PCSK6: variants seen among roughly 807,000 people sequenced by gnomAD.
PCSK6 encodes the protein proprotein convertase subtilisin/kexin type 6.
Under a neutral mutation model 123.3 loss-of-function variants are expected in PCSK6, and 85 were observed. That is an observed-to-expected ratio of 0.69 (90% CI 0.58 to 0.83). The LOEUF is 0.83. Among genes scored for constraint, PCSK6 ranks in the 40% least tolerant of loss-of-function variants. PCSK6 has a pLI of 0.00. For synonymous variants in PCSK6, 508 were observed against 516.0 expected, an observed-to-expected ratio of 0.98 and a Z score of 0.21; for missense variants, 1,191 against 1,282.3, an observed-to-expected ratio of 0.93 and a Z score of 1.09.
At chr15:101,340,242 C>T (rs1319725158) in intron 13 of PCSK6, among the ~76,000 whole-genome samples, 1 of 152,144 alleles carries the variant, frequency 6.6e-6, no homozygotes, top group African/African-American at 2.4e-5. Flanking sequence ...CACACATACA[C>T]ACATGAACTC....
At chr15:101,317,230 A>T (rs1478025692) in intron 19 of PCSK6, among the ~76,000 whole-genome samples, 1 of 152,308 alleles carries the variant, frequency 6.6e-6, no homozygotes, top group East Asian at 1.9e-4. Flanking sequence ...CTTAATTCTT[A>T]AAGTATTACT....
chr15:101,455,397 T>C (rs2057153647), intron 1 of PCSK6, among the ~76,000 whole-genome samples: 1 of 152,212 alleles, frequency 6.6e-6, no homozygotes, highest in African/African-American at 2.4e-5. Context: ...TATTGTGTGG[T>C]TTCCCTTAAA....
chr15:101,479,876 A>C (rs559109996), intron 1 of PCSK6, among the ~76,000 whole-genome samples: 1 of 152,156 alleles, frequency 6.6e-6, no homozygotes, highest in Non-Finnish European at 1.5e-5. Flanking sequence ...CTTGTAAGTG[A>C]CCACTGCTGG....
intron 6 of PCSK6, among the ~76,000 whole-genome samples, chr15:101,411,021 C>T (rs1039059357): frequency 2.0e-5 from 3 of 152,218 alleles, no homozygotes; most frequent in East Asian, 1.9e-4. Flanking sequence ...ACGCAGCCTA[C>T]CTCTCCCCAG....
chr15:101,477,175 C>T (rs1410942203), intron 1 of PCSK6, among the ~76,000 whole-genome samples: 1 of 152,170 alleles, frequency 6.6e-6, no homozygotes, highest in African/African-American at 2.4e-5. Flanking sequence ...GACTTATTGA[C>T]GTGGGAGGTA....
At chr15:101,475,652 ATT>A (rs35792381) in intron 1 of PCSK6, among the ~76,000 whole-genome samples, 5 of 122,678 alleles carry the variant, frequency 4.1e-5, no homozygotes, top group African/African-American at 1.6e-4. Flanking sequence ...CACTTGGCTA[ATT>A]TTTTTTTTTT....
At chr15:101,428,964 G>A (rs528341286) in intron 5 of PCSK6, among the ~76,000 whole-genome samples, 66 of 152,204 alleles carry the variant, frequency 4.3e-4, no homozygotes, top group African/African-American at 1.4e-3. Flanking sequence ...ACCTTGGGAC[G>A]TGCATGAGGC....
chr15:101,307,101 G>A (rs2039740522), intron 21 of PCSK6, 112 bp downstream of exon 21: 6 of 722,034 alleles, frequency 8.3e-6, no homozygotes, highest in Admixed American at 4.2e-5. Flanking sequence ...GGGCACGAAC[G>A]CCTGTCTGTG....
intron 13 of PCSK6, among the ~76,000 whole-genome samples, chr15:101,348,672 T>C (rs1326233408): frequency 2.6e-5 from 4 of 152,236 alleles, no homozygotes; most frequent in Non-Finnish European, 2.9e-5. Context: ...TTTGTTCATA[T>C]GAAACCTTCC....
chr15:101,409,408 A>G (rs1300445451), intron 6 of PCSK6, among the ~76,000 whole-genome samples: 1 of 152,060 alleles, frequency 6.6e-6, no homozygotes, highest in Non-Finnish European at 1.5e-5. Context: ...ACACAGTGAA[A>G]CCCCGTCTCT....
intron 4 of PCSK6, among the ~76,000 whole-genome samples, chr15:101,430,717 G>A (rs924281113): frequency 6.6e-6 from 1 of 152,142 alleles, no homozygotes; most frequent in Non-Finnish European, 1.5e-5. Flanking sequence ...GATACAATAT[G>A]GTTTACTTAA....
chr15:101,427,268 G>A (rs1175320372), intron 6 of PCSK6, among the ~76,000 whole-genome samples: 1 of 152,146 alleles, frequency 6.6e-6, no homozygotes, highest in Admixed American at 6.6e-5. Context: ...TGAATGAGAC[G>A]GGGGACAGCT....
Position 101,485,651 on chromosome 15 carries a change from C to T in PCSK6, c.297+3723G>A, listed in dbSNP as rs147664977. On this transcript the variant is annotated intron_variant, in intron 1 of 21. Transcript: ENST00000611716. ...ATTTAGTAAATAGCCCATCCTTCCC[C>T]ATCTATTTGTAACTCTTCAGCTCAC... Among the ~76,000 whole-genome samples the T allele has an allele frequency of 3.2e-3, 480 of 152,278 alleles. 3 individuals carry two copies. The highest frequency in any genetic ancestry group is 5.3e-3 in the Non-Finnish European group (360 of 68,018).
chr15:101,314,547 A>G (rs3784519), intron 19 of PCSK6, among the ~76,000 whole-genome samples: 63,183 of 152,138 alleles, frequency 0.42, 16,441 homozygotes, highest in African/African-American at 0.75. Flanking sequence ...CTCTCGCTGC[A>G]TCAAGGGAAA....
At chr15:101,483,337 T>C (rs1057468504) in intron 1 of PCSK6, among the ~76,000 whole-genome samples, 1 of 152,224 alleles carries the variant, frequency 6.6e-6, no homozygotes, top group Non-Finnish European at 1.5e-5. Context: ...TGCTGACAAA[T>C]GAATCGTGCA....
At chr15:101,412,163 C>T (rs953632676) in intron 6 of PCSK6, among the ~76,000 whole-genome samples, 17 of 152,314 alleles carry the variant, frequency 1.1e-4, no homozygotes, top group African/African-American at 4.1e-4. Flanking sequence ...AAATGGTACC[C>T]CTTGTCCTCT....
At chr15:101,342,443 T>C (rs2040635897) in intron 13 of PCSK6, among the ~76,000 whole-genome samples, 2 of 152,222 alleles carry the variant, frequency 1.3e-5, no homozygotes, top group Admixed American at 1.3e-4. Context: ...ATTTGATTAA[T>C]CTAAAACAAG....
chr15:101,414,291 A>G (rs997779677), intron 6 of PCSK6, among the ~76,000 whole-genome samples: 1 of 152,206 alleles, frequency 6.6e-6, no homozygotes, highest in Non-Finnish European at 1.5e-5. Flanking sequence ...AGCACTCAAA[A>G]TATCTTTTAA....
chr15:101,404,681 C>T (rs757429888), intron 6 of PCSK6, among the ~76,000 whole-genome samples: 17 of 152,168 alleles, frequency 1.1e-4, no homozygotes, highest in Admixed American at 2.6e-4. Flanking sequence ...TTTTATCTAC[C>T]GGGGCAGTTA....
Sources: allele counts gnomAD v4.1 joint callset (sites outside exome capture counted in the v4.1 genomes callset), GRCh38; gene constraint gnomAD v4.1.1; transcripts MANE v1.5; gene names NCBI Gene and HGNC (gene_info 2026-07-23, HGNC 2026-07-21).